The following LPP variants were observed in gnomAD, a reference collection of about 807,000 sequenced individuals.
The protein encoded by LPP is lipoma-preferred partner.
Under a neutral mutation model 60.4 loss-of-function variants are expected in LPP, and 38 were observed. That is an observed-to-expected ratio of 0.63 (90% CI 0.49 to 0.83). The LOEUF is 0.83. Among genes scored for constraint, LPP ranks in the 40% least tolerant of loss-of-function variants. The probability of loss-of-function intolerance (pLI) is 0.00; values close to 1 mark genes in which losing one functional copy is unlikely to be tolerated. For missense variants in LPP, 902 were observed against 783.6 expected, an observed-to-expected ratio of 1.15 and a Z score of -1.80; for synonymous variants, 328 against 290.8, an observed-to-expected ratio of 1.13 and a Z score of -1.30.
At chr3:188,715,203 C>T (rs1033982199) in intron 8 of LPP, among the ~76,000 whole-genome samples, 4 of 151,640 alleles carry the variant, frequency 2.6e-5, no homozygotes, top group African/African-American at 4.8e-5. Flanking sequence ...CATGGTGAAA[C>T]CCCATCTCTA....
chr3:188,421,956 G>A (rs749802157), intron 4 of LPP, among the ~76,000 whole-genome samples: 3 of 152,144 alleles, frequency 2.0e-5, no homozygotes, highest in Non-Finnish European at 4.4e-5. Context: ...ATAATTGTTT[G>A]TGAAACTAGT....
intron 9 of LPP, among the ~76,000 whole-genome samples, chr3:188,854,159 C>G (rs1159342230): frequency 7.2e-5 from 11 of 152,222 alleles, no homozygotes; most frequent in African/African-American, 1.4e-4. Context: ...GAGAAAACAT[C>G]TGTATTTCCT....
At chr3:188,487,945 T>C (rs1196227098) in intron 5 of LPP, among the ~76,000 whole-genome samples, 1 of 152,120 alleles carries the variant, frequency 6.6e-6, no homozygotes, top group Non-Finnish European at 1.5e-5. Context: ...GAAAGGGACC[T>C]TAGAGATCAT....
chr3:188,793,593 C>A (rs1230220580), intron 9 of LPP, among the ~76,000 whole-genome samples: 1 of 152,116 alleles, frequency 6.6e-6, no homozygotes, highest in Non-Finnish European at 1.5e-5. Flanking sequence ...TTAAGTAAAG[C>A]CTACTCATAT....
intron 4 of LPP, among the ~76,000 whole-genome samples, chr3:188,468,762 G>C (rs191052073): frequency 1.3e-5 from 2 of 152,108 alleles, no homozygotes; most frequent in Admixed American, 1.3e-4. Context: ...AGCTGAGCTC[G>C]CTGAACTTGA....
intron 1 of LPP, chr3:188,178,626 A>T (rs1723821752): frequency 6.6e-6 from 1 of 152,352 alleles, no homozygotes; most frequent in Admixed American, 6.5e-5. Context: ...TCAATGTGAG[A>T]ATCTTTCAGA....
At chr3:188,383,006 C>T (rs910695220) in intron 3 of LPP, among the ~76,000 whole-genome samples, 14 of 152,144 alleles carry the variant, frequency 9.2e-5, no homozygotes, top group African/African-American at 2.4e-4. Flanking sequence ...AAAGTAAGGC[C>T]GAGAGAGGGT....
intron 2 of LPP, among the ~76,000 whole-genome samples, chr3:188,252,116 T>G (rs1729976948): frequency 7.7e-6 from 1 of 129,738 alleles, no homozygotes; most frequent in Admixed American, 8.1e-5. Context: ...AGCGTCAGAT[T>G]ATCTGTGCTT....
intron 9 of LPP, among the ~76,000 whole-genome samples, chr3:188,779,957 A>G (rs1223829578): frequency 6.6e-6 from 1 of 151,794 alleles, no homozygotes; most frequent in African/African-American, 2.4e-5. Context: ...TTATTTAAAT[A>G]TATATATATA....
intron 2 of LPP, among the ~76,000 whole-genome samples, chr3:188,285,200 C>T (rs1354829934): frequency 1.3e-5 from 2 of 151,998 alleles, no homozygotes; most frequent in Admixed American, 6.5e-5. Flanking sequence ...TGTGATAGTG[C>T]TTTGCAAGTT....
At chr3:188,333,945 C>G (rs1362806196) in intron 2 of LPP, among the ~76,000 whole-genome samples, 1 of 152,144 alleles carries the variant, frequency 6.6e-6, no homozygotes, top group Non-Finnish European at 1.5e-5. Flanking sequence ...TATAGTGATT[C>G]TATAGTGCTG....
At chr3:188,686,518 T>C (rs1410460391) in intron 7 of LPP, among the ~76,000 whole-genome samples, 1 of 152,208 alleles carries the variant, frequency 6.6e-6, no homozygotes. Flanking sequence ...AGGGCGTGAC[T>C]TCCTATGTTT....
intron 6 of LPP, among the ~76,000 whole-genome samples, chr3:188,540,072 T>A (rs1016410454): frequency 6.6e-6 from 1 of 152,176 alleles, no homozygotes; most frequent in African/African-American, 2.4e-5. Context: ...TTTGTTAAAG[T>A]TGTTACTGAC....
chr3:188,361,541 CCTCCCCTCT>C (rs1560296385), intron 3 of LPP, among the ~76,000 whole-genome samples: 17 of 133,434 alleles, frequency 1.3e-4, no homozygotes, highest in African/African-American at 2.8e-4. Flanking sequence ...CCTCTCCTCT[CCTCCCCTCT>C]CCTCTCCTCT....
chr3:188,156,363 G>A (rs1445025024), intron 1 of LPP, among the ~76,000 whole-genome samples: 3 of 152,114 alleles, frequency 2.0e-5, no homozygotes, highest in Admixed American at 6.5e-5. Flanking sequence ...AATGATGGAC[G>A]GGAGAGGAAA....
intron 2 of LPP, among the ~76,000 whole-genome samples, chr3:188,319,939 T>A (rs1168908412): frequency 3.3e-5 from 5 of 152,214 alleles, no homozygotes; most frequent in Admixed American, 3.3e-4. Context: ...AGCCTTTCCC[T>A]GTTTTTAGGA....
At chr3:188,279,044 C>T (rs1190283969) in intron 2 of LPP, among the ~76,000 whole-genome samples, 1 of 152,202 alleles carries the variant, frequency 6.6e-6, no homozygotes, top group Non-Finnish European at 1.5e-5. Flanking sequence ...GAACGTTCAT[C>T]TCATCAGATA....
chr3:188,738,696 A>T (rs1158805819), intron 8 of LPP, among the ~76,000 whole-genome samples: 1 of 152,146 alleles, frequency 6.6e-6, no homozygotes, highest in East Asian at 1.9e-4. Context: ...TTTAATTCTT[A>T]ACTTTGAATA....
intron 9 of LPP, among the ~76,000 whole-genome samples, chr3:188,831,213 G>C (rs1354578178): frequency 2.6e-5 from 4 of 152,168 alleles, no homozygotes; most frequent in African/African-American, 9.6e-5. Flanking sequence ...GAGGAACTGA[G>C]CAGTTCATCC....
Sources: gnomAD v4.1 joint callset for allele counts (sites outside exome capture counted in the v4.1 genomes callset) on GRCh38, gnomAD v4.1.1 for gene constraint, MANE v1.5 for transcripts, NCBI Gene and HGNC (gene_info 2026-07-23, HGNC 2026-07-21) for gene names.